PLCB2: variants seen among roughly 807,000 people sequenced by gnomAD.
PLCB2 encodes the protein phospholipase C beta 2.
Under a neutral mutation model 141.7 loss-of-function variants are expected in PLCB2, and 115 were observed. The observed-to-expected ratio is 0.81, with a 90% CI of 0.70 to 0.95. The LOEUF is 0.95. PLCB2 is among the 40% of genes least tolerant of loss of function. The pLI is 0.00. For synonymous variants in PLCB2, 603 were observed against 595.6 expected, an observed-to-expected ratio of 1.01 and a Z score of -0.18; for missense variants, 1,403 against 1,541.1, an observed-to-expected ratio of 0.91 and a Z score of 1.50.
intron 30 of PLCB2, 38 bp downstream of exon 30, chr15:40,289,987 G>C (rs1215319768): frequency 3.0e-6 from 3 of 1,001,244 alleles, no homozygotes; most frequent in Non-Finnish European, 4.9e-6. Flanking sequence ...GTGTGTGTGT[G>C]TGTGTGTGTG....
intron 16 of PLCB2, 98 bp from the exon 17 acceptor site, chr15:40,295,383 A>T (rs2040153913): frequency 5.1e-6 from 4 of 788,796 alleles, no homozygotes; most frequent in Admixed American, 1.9e-5. Flanking sequence ...GCCTATAGAG[A>T]TGCCTCCACC....
downstream of PLCB2, among the ~76,000 whole-genome samples, chr15:40,284,732 T>C (rs1259663314): frequency 3.5e-5 from 5 of 141,644 alleles, no homozygotes; most frequent in Non-Finnish European, 7.5e-5. Flanking sequence ...CCCTGCTACT[T>C]GGGAGGCTGA....
intron 22 of PLCB2, 38 bp from the exon 23 acceptor site, chr15:40,292,196 T>C: frequency 2.5e-6 from 4 of 1,584,516 alleles, no homozygotes; most frequent in Non-Finnish European, 3.5e-6. Flanking sequence ...ATAGTGTATA[T>C]GGAGATGTGG....
chr15:40,302,859 T>C (rs1280506245), intron 3 of PLCB2, among the ~76,000 whole-genome samples: 3 of 152,246 alleles, frequency 2.0e-5, no homozygotes, highest in Non-Finnish European at 2.9e-5. Context: ...GAGTCCTGTG[T>C]GTGTTGGTTG....
At position 40,290,047 on chromosome 15, in the gene PLCB2, T is replaced by G. The variant is rs1234192006; in HGVS notation, c.3245A>C (p.Glu1082Ala). ...CACCTGCTTGATCACCTGCACTACT[T>G]CCTGGATGTGGGAGTTGTTAATCTC... is the stretch of plus-strand genomic sequence containing the variant. ...KREINNSHIQ[E>A]VVQVIKQMTE... Residue 1082 changes from glutamate to alanine, a missense_variant, in exon 30 of 32, where the codon GAA becomes GCA. Physicochemically the swap from Glu to Ala is moderately radical, Grantham distance 107. Transcript: ENST00000260402. The G allele has an allele frequency of 6.2e-7, 1 of 1,610,080 alleles. No individual in the cohort carries two copies. Among genetic ancestry groups the G allele is most frequent in the Admixed American group, 1.7e-5 (1 of 59,918 alleles).
intron 6 of PLCB2, 34 bp downstream of exon 6, chr15:40,302,102 C>G (rs750822050): frequency 6.2e-7 from 1 of 1,612,796 alleles, no homozygotes; most frequent in East Asian, 2.2e-5. Context: ...TTTGGGGAGC[C>G]CCTGGAAGCC....
At position 40,290,068 on chromosome 15, in the gene PLCB2, ATC is replaced by A; in HGVS notation, c.3222_3223del (p.Glu1074AspfsTer2). ...TACTTCCTGGATGTGGGAGTTGTTA[ATC>A]TCTCTCTTCAACCTGTTGGTGTAAT... is the stretch of plus-strand genomic sequence containing the variant. On this transcript the variant is annotated frameshift_variant, in exon 30 of 32. Transcript: ENST00000260402. LOFTEE classifies it high-confidence loss of function. 6.2e-7 allele frequency: 1 copy of A among 1,609,928 alleles called. No individual in the cohort carries two copies. Among genetic ancestry groups the A allele is most frequent in the Non-Finnish European group, 8.5e-7 (1 of 1,176,582 alleles).
intron 19 of PLCB2, 139 bp from the exon 20 acceptor site, chr15:40,293,863 G>T: frequency 1.2e-6 from 1 of 811,160 alleles, no homozygotes; most frequent in Non-Finnish European, 1.9e-6. Flanking sequence ...CTGGCCATGA[G>T]TAGAGAGGCT....
At position 40,294,980 on chromosome 15, in the gene PLCB2, C is replaced by T. The variant is rs759781261; in HGVS notation, c.1862G>A (p.Trp621Ter). ...DSSNYMPQMF[W>*]NAGCQMVALN... ...GGCAACCATCTGGCATCCAGCATTC[C>T]AGAACATCTGGGGCATGTAGTTGGA... The change falls in exon 18 of 32, where the codon TGG becomes TAG. Residue 621 changes from tryptophan to a stop codon, truncating the protein, a stop_gained. Transcript: ENST00000260402. LOFTEE classifies it high-confidence loss of function. The T allele has an allele frequency of 6.2e-7, 1 of 1,614,140 alleles. No homozygotes were observed. Among genetic ancestry groups the T allele is most frequent in the Non-Finnish European group, 8.5e-7 (1 of 1,179,998 alleles).
At position 40,291,246 on chromosome 15, in the gene PLCB2, G is replaced by T. The variant is rs780918357; in HGVS notation, c.2870+19C>A. ...CGCCACCCGCGCTGCAGAGGGCAGG[G>T]CACCGCCACGAGCCTTACCTCTTCT... is the stretch of plus-strand genomic sequence containing the variant. On this transcript the variant is annotated intron_variant, in intron 26 of 31. Transcript: ENST00000260402. 1.9e-6 allele frequency: 3 copies of T among 1,572,394 alleles called. No individual in the cohort carries two copies. The African/African-American group carries it at 4.0e-5, about 21-fold the overall frequency.
downstream of PLCB2, among the ~76,000 whole-genome samples, chr15:40,287,397 C>T (rs577286490): frequency 1.8e-3 from 278 of 152,254 alleles, 2 homozygotes; most frequent in African/African-American, 6.4e-3. Flanking sequence ...CAGAATCAAT[C>T]CCCCTCTGCC....
At position 40,288,432 on chromosome 15, in the gene PLCB2, T is replaced by C; in HGVS notation, c.*283A>G. On this transcript the variant is annotated 3_prime_UTR_variant, in exon 32 of 32. Transcript: ENST00000260402. The stretch of plus-strand genomic sequence containing the variant: ...CCACTTTCTGCCTTCCAGTCCATAG[T>C]CTTTTGCCCTCAACAAATATATGAC... 8.5e-7 allele frequency: 1 copy of C among 1,176,280 alleles called. No homozygotes were observed. The highest frequency in any genetic ancestry group is 1.1e-6 in the Non-Finnish European group (1 of 951,022). 72.9% of individuals were successfully genotyped at this position (1,176,280 alleles called of 1,614,324 possible). A position where few individuals can be genotyped will look rare whatever the true frequency, so the allele number is the denominator to read the frequency against.
At chr15:40,289,608 G>C (rs1208150915) in intron 30 of PLCB2, 2 of 558,214 alleles carry the variant, frequency 3.6e-6, no homozygotes, top group Non-Finnish European at 6.4e-6. Flanking sequence ...GGTGGCAGCT[G>C]TGTTCTGTGG....
At position 40,299,685 on chromosome 15, in the gene PLCB2, G is replaced by A. The variant is rs7183947; in HGVS notation, c.583-457C>T. The stretch of plus-strand genomic sequence containing the variant: ...GGACAATTCAACAATAATATTTGGA[G>A]ACACCAAAAGCACCGGGACAAAGAA... On this transcript the variant is annotated intron_variant, in intron 7 of 31. Transcript: ENST00000260402. Among the ~76,000 whole-genome samples, 1,352 of 152,258 alleles carry A rather than the reference G, an allele frequency of 8.9e-3. 10 individuals are homozygous for A. The highest frequency in any genetic ancestry group is 0.043 in the South Asian group (209 of 4,826).
chr15:40,304,859 C>A (rs193097442), intron 1 of PLCB2, among the ~76,000 whole-genome samples: 76 of 152,314 alleles, frequency 5.0e-4, no homozygotes, highest in African/African-American at 1.8e-3. Context: ...ACATAGGCTA[C>A]CTTTTAGTTT....
chr15:40,285,695 A>G, downstream of PLCB2: 1 of 985,384 alleles, frequency 1.0e-6, no homozygotes, highest in Non-Finnish European at 1.2e-6. Context: ...TCTTTTCAGC[A>G]CTGTGAGGGA....
In PLCB2 at chr15:40,296,853, A is replaced by C; in HGVS notation, c.1379T>G (p.Ile460Ser). 1 of 1,614,048 alleles carries C rather than the reference A, an allele frequency of 6.2e-7. No individual in the cohort carries two copies. The highest frequency in any genetic ancestry group is 1.1e-5 in the South Asian group (1 of 91,078). ...SPEDLRGKIL[I>S]KNKKNQFSGP... Reference sequence around the variant, plus strand: ...AGAAAACTGGTTCTTCTTGTTCTTGATGAGGATCTTGCCCCTGAGATCCTC... The same window carrying C: ...AGAAAACTGGTTCTTCTTGTTCTTGCTGAGGATCTTGCCCCTGAGATCCTC... The change falls in exon 14 of 32, where the codon ATC becomes AGC. Residue 460 changes from isoleucine (I) to serine (S), a missense_variant. Transcript: ENST00000260402.
At chr15:40,303,907 A>T in intron 2 of PLCB2, 94 bp downstream of exon 2, 1 of 861,232 alleles carries the variant, frequency 1.2e-6, no homozygotes, top group Non-Finnish European at 1.9e-6. Flanking sequence ...TGTACTCCCC[A>T]GCATCCATGC....
At chr15:40,291,553 C>G in intron 25 of PLCB2, 53 bp downstream of exon 25, 2 of 1,609,934 alleles carry the variant, frequency 1.2e-6, no homozygotes, top group Non-Finnish European at 1.7e-6. Context: ...CCCAAGGAGC[C>G]CCGGACCCGC....
Sources: gnomAD v4.1 joint callset for allele counts (sites outside exome capture counted in the v4.1 genomes callset) on GRCh38, gnomAD v4.1.1 for gene constraint, MANE v1.5 for transcripts, NCBI Gene and HGNC (gene_info 2026-07-23, HGNC 2026-07-21) for gene names.